EYS: variants seen among roughly 807,000 people sequenced by gnomAD.
EYS encodes protein eyes shut homolog.
EYS carries 250 observed loss-of-function variants against 282.1 expected under a neutral mutation model. The ratio of observed to expected loss-of-function variants is 0.89; its 90% CI spans 0.80 to 0.98. The LOEUF is 0.98. EYS is among the 50% of genes least tolerant of loss of function. EYS has a pLI of 0.00. For missense variants in EYS, 4,016 were observed against 3,709.0 expected, an observed-to-expected ratio of 1.08 and a Z score of -2.15; for synonymous variants, 1,355 against 1,282.9, an observed-to-expected ratio of 1.06 and a Z score of -1.20.
At chr6:64,699,004 A>T (rs753280043) in intron 22 of EYS, among the ~76,000 whole-genome samples, 1 of 152,166 alleles carries the variant, frequency 6.6e-6, no homozygotes, top group Non-Finnish European at 1.5e-5. Flanking sequence ...AAATCATTCT[A>T]CCATAAAGAC....
intron 5 of EYS, among the ~76,000 whole-genome samples, chr6:65,459,115 G>A (rs367748026): frequency 6.6e-6 from 1 of 152,032 alleles, no homozygotes; most frequent in African/African-American, 2.4e-5. Context: ...TATACACACA[G>A]TCATTAAAAT....
chr6:65,612,469 C>A (rs932241667), intron 2 of EYS, among the ~76,000 whole-genome samples: 4 of 151,656 alleles, frequency 2.6e-5, no homozygotes, highest in African/African-American at 9.7e-5. Context: ...TAAACTAATT[C>A]TTGCAAGCTA....
intron 13 of EYS, among the ~76,000 whole-genome samples, chr6:65,004,822 T>A (rs1771588816): frequency 6.8e-6 from 1 of 147,716 alleles, no homozygotes; most frequent in South Asian, 2.2e-4. Flanking sequence ...ACATTACAAT[T>A]TAAGAAAGAA....
intron 26 of EYS, among the ~76,000 whole-genome samples, chr6:64,452,954 G>A (rs1042311598): frequency 1.3e-5 from 2 of 152,158 alleles, no homozygotes; most frequent in African/African-American, 2.4e-5. Flanking sequence ...CATGGGCAAG[G>A]ACTTCATGTC....
intron 2 of EYS, among the ~76,000 whole-genome samples, chr6:65,577,265 C>T (rs763925823): frequency 9.9e-5 from 15 of 151,644 alleles, no homozygotes; most frequent in Admixed American, 5.3e-4. Flanking sequence ...ATAGAAACTC[C>T]AAAAATAAAA....
rs559930851 is a variant in EYS, at chr6:63,922,575, A to G, written c.7056-58217T>C. Among the ~76,000 whole-genome samples the G allele has an allele frequency of 3.9e-5, 6 of 152,306 alleles. No homozygotes were observed. In the South Asian group the frequency reaches 1.2e-3, roughly 32 times the overall value. On this transcript the variant is annotated intron_variant, in intron 35 of 42. Coordinates refer to ENST00000503581, the MANE Select transcript of EYS (RefSeq NM_001142800.2). ...GAGACTCTGCCTCAAAAAAAAATTCAGGTCTAGGGAGAGAAGATAATTAGG... is the reference window on the plus strand; with the variant it reads ...GAGACTCTGCCTCAAAAAAAAATTCGGGTCTAGGGAGAGAAGATAATTAGG...
At chr6:65,007,586 T>C (rs1335257098) in intron 13 of EYS, among the ~76,000 whole-genome samples, 1 of 152,206 alleles carries the variant, frequency 6.6e-6, no homozygotes, top group Non-Finnish European at 1.5e-5. Flanking sequence ...GTGTGATTTA[T>C]GCCCTACAGG....
intron 15 of EYS, among the ~76,000 whole-genome samples, chr6:64,935,465 G>A (rs916423518): frequency 1.3e-5 from 2 of 151,514 alleles, no homozygotes; most frequent in African/African-American, 4.8e-5. Context: ...AGAACATAAT[G>A]AAAATTAAAG....
chr6:63,879,213 A>G (rs1229723883), intron 35 of EYS, among the ~76,000 whole-genome samples: 2 of 152,232 alleles, frequency 1.3e-5, no homozygotes, highest in African/African-American at 4.8e-5. Context: ...AAGTCGAGGG[A>G]GAATATAATG....
chr6:64,264,304 GTTC>G (rs1767684969), intron 30 of EYS, among the ~76,000 whole-genome samples: 1 of 152,140 alleles, frequency 6.6e-6, no homozygotes, highest in Non-Finnish European at 1.5e-5. Flanking sequence ...TAGGCGGGCA[GTTC>G]TTCTTTGTTC....
At chr6:64,841,693 G>A (rs1207518688) in intron 19 of EYS, among the ~76,000 whole-genome samples, 1 of 152,102 alleles carries the variant, frequency 6.6e-6, no homozygotes, top group African/African-American at 2.4e-5. Context: ...ACTGTAAAAT[G>A]TTCAAAGGTT....
chr6:65,372,861 T>C (rs1442207040), intron 8 of EYS, among the ~76,000 whole-genome samples: 2 of 152,064 alleles, frequency 1.3e-5, no homozygotes, highest in Non-Finnish European at 2.9e-5. Flanking sequence ...ACAGGGTTTT[T>C]TTATCTCCTC....
At chr6:64,395,760 G>A (rs1232542043) in intron 28 of EYS, among the ~76,000 whole-genome samples, 16 of 148,694 alleles carry the variant, frequency 1.1e-4, no homozygotes, top group Non-Finnish European at 4.4e-5. Flanking sequence ...ATGTGCACAT[G>A]TACCCTAAAA....
chr6:64,332,216 C>T (rs184927897), intron 29 of EYS, among the ~76,000 whole-genome samples: 1 of 152,186 alleles, frequency 6.6e-6, no homozygotes, highest in Non-Finnish European at 1.5e-5. Context: ...TGCACCCCTA[C>T]TAAATTAACC....
At chr6:65,233,297 T>C (rs1766837426) in intron 12 of EYS, among the ~76,000 whole-genome samples, 1 of 152,150 alleles carries the variant, frequency 6.6e-6, no homozygotes, top group African/African-American at 2.4e-5. Flanking sequence ...GTAGCACCTA[T>C]GAATACATTA....
intron 8 of EYS, among the ~76,000 whole-genome samples, chr6:65,369,705 T>C (rs894225541): frequency 1.1e-4 from 17 of 151,788 alleles, no homozygotes; most frequent in Admixed American, 9.4e-4. Flanking sequence ...AACTCTCCTG[T>C]GCACTGTAGG....
At chr6:64,981,446 G>C (rs1276786011) in intron 14 of EYS, among the ~76,000 whole-genome samples, 2 of 150,616 alleles carry the variant, frequency 1.3e-5, no homozygotes, top group Non-Finnish European at 3.0e-5. Flanking sequence ...TTTTTCACTG[G>C]AGCCACCCTT....
At chr6:63,780,067 G>A (rs1215882007) in intron 39 of EYS, among the ~76,000 whole-genome samples, 1 of 152,136 alleles carries the variant, frequency 6.6e-6, no homozygotes, top group Non-Finnish European at 1.5e-5. Flanking sequence ...TCCCTACAAA[G>A]GACATGAACT....
intron 12 of EYS, among the ~76,000 whole-genome samples, chr6:65,164,605 C>A (rs1321060552): frequency 6.6e-6 from 1 of 151,208 alleles, no homozygotes; most frequent in Non-Finnish European, 1.5e-5. Context: ...AACATATATA[C>A]TATTTACACT....
Sources: gnomAD v4.1 joint callset for allele counts (sites outside exome capture counted in the v4.1 genomes callset) on GRCh38, gnomAD v4.1.1 for gene constraint, MANE v1.5 for transcripts, NCBI Gene and HGNC (gene_info 2026-07-23, HGNC 2026-07-21) for gene names.